SYK: variants seen among roughly 807,000 people sequenced by gnomAD.
The protein encoded by SYK is spleen associated tyrosine kinase.
A neutral mutation model predicts 77.8 loss-of-function variants in SYK; 16 were observed. The observed-to-expected ratio is 0.21, with a 90% CI of 0.14 to 0.31. The LOEUF (loss-of-function observed/expected upper bound fraction) is 0.31, where lower values mean the gene tolerates loss of function less well. Among genes scored for constraint, SYK ranks in the 10% least tolerant of loss-of-function variants. SYK has a pLI of 1.00. For missense variants in SYK, 529 were observed against 814.4 expected (o/e 0.65, Z 4.26); for synonymous variants, 312 against 308.7 (o/e 1.01, Z -0.11).
chr9:90,854,142 C>T (rs1016257115), intron 3 of SYK, among the ~76,000 whole-genome samples: 28 of 152,286 alleles, frequency 1.8e-4, no homozygotes, highest in Admixed American at 1.0e-3. Flanking sequence ...GCAGAGTTTT[C>T]CTTGATGGTG....
At chr9:90,847,953 C>T (rs1287359382) in intron 3 of SYK, among the ~76,000 whole-genome samples, 1 of 152,216 alleles carries the variant, frequency 6.6e-6, no homozygotes, top group Non-Finnish European at 1.5e-5. Flanking sequence ...GGGTTTGCCA[C>T]CTGGCAATTT....
intron 10 of SYK, 52 bp downstream of exon 10, chr9:90,877,832 C>T: frequency 1.3e-6 from 2 of 1,598,654 alleles, no homozygotes; most frequent in Non-Finnish European, 1.7e-6. Context: ...AGGGACAGGG[C>T]CCACCCCTGG....
chr9:90,811,982 T>C (rs1825097948), intron 1 of SYK, among the ~76,000 whole-genome samples: 1 of 150,700 alleles, frequency 6.6e-6, no homozygotes. Context: ...ATGCACATAA[T>C]AATTTAAGTG....
At chr9:90,836,781 G>A (rs1324743326) in intron 1 of SYK, among the ~76,000 whole-genome samples, 5 of 152,180 alleles carry the variant, frequency 3.3e-5, no homozygotes, top group Admixed American at 3.3e-4. Flanking sequence ...TCACAGTGAG[G>A]CTGGAAGTGC....
intron 1 of SYK, among the ~76,000 whole-genome samples, chr9:90,818,461 G>A (rs919103603): frequency 3.3e-5 from 5 of 152,188 alleles, no homozygotes; most frequent in African/African-American, 4.8e-5. Context: ...CGCCTCCCAC[G>A]TGTCAGGAGC....
intron 1 of SYK, among the ~76,000 whole-genome samples, chr9:90,810,014 A>G (rs1825015749): frequency 6.6e-6 from 1 of 152,242 alleles, no homozygotes; most frequent in Admixed American, 6.5e-5. Flanking sequence ...TTTGTGAGGG[A>G]TGATTTCCCC....
Position 90,870,291 on chromosome 9 carries a change from T to TTC in SYK, c.915+3093_915+3094insCT, listed in dbSNP as rs532055644. Among the ~76,000 whole-genome samples the TTC allele has an allele frequency of 5.2e-3, 795 of 152,304 alleles. 2 individuals are homozygous for TTC. The highest frequency in any genetic ancestry group is 7.9e-3 in the Non-Finnish European group (539 of 68,026). On this transcript the variant is annotated intron_variant, in intron 7 of 13. Transcript: ENST00000375754. ...TTCTTTTATGGAAAATAGGTGGAAA[T>TTC]TAAACAGCAACATCTCTAAAAAGAC...
chr9:90,835,775 T>C (rs1032153555), intron 1 of SYK, among the ~76,000 whole-genome samples: 1 of 152,232 alleles, frequency 6.6e-6, no homozygotes, highest in African/African-American at 2.4e-5. Flanking sequence ...CAGGGTTCTC[T>C]GATTCTGGCC....
intron 5 of SYK, 75 bp downstream of exon 5, chr9:90,864,742 T>C: frequency 1.5e-6 from 2 of 1,371,372 alleles, no homozygotes; most frequent in Non-Finnish European, 2.1e-6. Flanking sequence ...ACTTAGCTGA[T>C]TGCAGATTTG....
chr9:90,861,843 G>A (rs145855493), intron 3 of SYK, among the ~76,000 whole-genome samples: 3 of 152,324 alleles, frequency 2.0e-5, no homozygotes, highest in East Asian at 3.9e-4. Flanking sequence ...ATCAGGGCCC[G>A]TGGTGCCCCT....
chr9:90,867,506 C>T (rs368339418), intron 7 of SYK, among the ~76,000 whole-genome samples: 1 of 152,200 alleles, frequency 6.6e-6, no homozygotes, highest in Admixed American at 6.5e-5. Flanking sequence ...ATTATCATGT[C>T]CGAAAATCTT....
At chr9:90,884,224 C>A (rs1221867028) in intron 11 of SYK, among the ~76,000 whole-genome samples, 1 of 146,290 alleles carries the variant, frequency 6.8e-6, no homozygotes, top group African/African-American at 2.7e-5. Flanking sequence ...CACGCATATA[C>A]ACATACACAT....
At chr9:90,805,993 A>G (rs890652735) in intron 1 of SYK, among the ~76,000 whole-genome samples, 2 of 152,220 alleles carry the variant, frequency 1.3e-5, no homozygotes, top group African/African-American at 4.8e-5. Context: ...CCATCCCAGG[A>G]TAATTATTCT....
chr9:90,854,247 G>C (rs531573072), intron 3 of SYK, among the ~76,000 whole-genome samples: 8 of 152,194 alleles, frequency 5.3e-5, no homozygotes, highest in Non-Finnish European at 1.0e-4. Flanking sequence ...GCTGCCCCGA[G>C]TGTGCAGCAT....
At chr9:90,883,144 C>A (rs931227989) in intron 11 of SYK, among the ~76,000 whole-genome samples, 6 of 152,044 alleles carry the variant, frequency 3.9e-5, no homozygotes, top group African/African-American at 7.3e-5. Context: ...CATCACCAGG[C>A]CAAGGACAGA....
intron 4 of SYK, among the ~76,000 whole-genome samples, chr9:90,863,527 T>C (rs1827354464): frequency 6.6e-6 from 1 of 152,220 alleles, no homozygotes; most frequent in South Asian, 2.1e-4. Context: ...TACTCCTTTT[T>C]TGAATGCTGG....
chr9:90,888,488 A>G lies in SYK; in HGVS notation c.1723-27A>G, dbSNP rs200870942. The G allele has an allele frequency of 5.1e-5, 78 of 1,523,262 alleles. 2 individuals are homozygous for G. In the African/African-American group the frequency reaches 8.7e-4, roughly 17 times the overall value. 94.4% of individuals were successfully genotyped at this position (1,523,262 alleles called of 1,614,324 possible). A position where few individuals can be genotyped will look rare whatever the true frequency, so the allele number is the denominator to read the frequency against. On this transcript the variant is annotated intron_variant, in intron 12 of 13. Coordinates refer to ENST00000375754, the MANE Select transcript of SYK (RefSeq NM_003177.7). ...TGACTAACACCTTTAAAAAAAAAAA[A>G]GCTTATGCATATCTTGCATGTTGTA...
rs1564120060 is a variant in SYK, at chr9:90,884,214, C to CACATACACAT, written c.1582-3533_1582-3532insATACACATAC. Among the ~76,000 whole-genome samples, 551 of 65,006 alleles carry CACATACACAT rather than the reference C, an allele frequency of 8.5e-3. 8 individuals are homozygous for CACATACACAT. The highest frequency in any genetic ancestry group is 0.011 in the Middle Eastern group (1 of 88). The allele number at this position is 65,006 out of a possible 152,430, so 42.6% of individuals were successfully genotyped here. Reference sequence around the variant, plus strand: ...ACACATACACATACGTGTATATATACACGCATATACACATACACATACGTG... The same window carrying CACATACACAT: ...ACACATACACATACGTGTATATATACACATACACATACGCATATACACATACACATACGTG... On this transcript the variant is annotated intron_variant, in intron 11 of 13. Coordinates refer to ENST00000375754, the MANE Select transcript of SYK (RefSeq NM_003177.7).
At chr9:90,841,069 G>A (rs1177845285) in intron 1 of SYK, among the ~76,000 whole-genome samples, 2 of 151,854 alleles carry the variant, frequency 1.3e-5, no homozygotes, top group Non-Finnish European at 2.9e-5. Context: ...TTAGTTGTGT[G>A]TACTATGGTG....
Sources: gnomAD v4.1 joint callset for allele counts (sites outside exome capture counted in the v4.1 genomes callset) on GRCh38, gnomAD v4.1.1 for gene constraint, MANE v1.5 for transcripts, NCBI Gene and HGNC (gene_info 2026-07-23, HGNC 2026-07-21) for gene names.